NCOA1: variants seen among roughly 807,000 people sequenced by gnomAD.
NCOA1 encodes the protein nuclear receptor coactivator 1.
A neutral mutation model predicts 150.9 loss-of-function variants in NCOA1; 35 were observed. The ratio of observed to expected loss-of-function variants is 0.23; its 90% CI spans 0.18 to 0.31. The LOEUF (loss-of-function observed/expected upper bound fraction) is 0.31, where lower values mean the gene tolerates loss of function less well. Ranked by LOEUF, NCOA1 falls within the 10% of genes least tolerant of loss-of-function variation. The pLI, the probability that NCOA1 is intolerant of heterozygous loss-of-function variation, is 1.00. For missense variants in NCOA1, 1,491 were observed against 1,749.3 expected (o/e 0.85, Z 2.63); for synonymous variants, 590 against 630.0 (o/e 0.94, Z 0.95).
intron 14 of NCOA1, among the ~76,000 whole-genome samples, chr2:24,715,461 C>T (rs908379938): frequency 6.6e-6 from 1 of 151,826 alleles, no homozygotes; most frequent in African/African-American, 2.4e-5. Context: ...ATTTTTTTAA[C>T]AGAAAAATAT....
At chr2:24,673,307 G>T in intron 6 of NCOA1, 59 bp from the exon 7 acceptor site, 1 of 1,229,554 alleles carries the variant, frequency 8.1e-7, no homozygotes. Context: ...TCGTAAACTT[G>T]ACTTTATGGA....
chr2:24,630,307 CT>C (rs1669649520), intron 3 of NCOA1, among the ~76,000 whole-genome samples: 1 of 152,168 alleles, frequency 6.6e-6, no homozygotes, highest in Admixed American at 6.5e-5. Context: ...GCTATACTGT[CT>C]TGGTTATAAG....
At chr2:24,537,055 A>G (rs556628063) in intron 1 of NCOA1, among the ~76,000 whole-genome samples, 66 of 152,128 alleles carry the variant, frequency 4.3e-4, no homozygotes, top group African/African-American at 1.5e-3. Flanking sequence ...GTGCACTGAA[A>G]TCTCAGACTT....
At chr2:24,747,826 G>T (rs1431143526) in intron 19 of NCOA1, among the ~76,000 whole-genome samples, 1 of 152,060 alleles carries the variant, frequency 6.6e-6, no homozygotes, top group Non-Finnish European at 1.5e-5. Flanking sequence ...AAAAATGGAT[G>T]CTGGGCACAG....
chr2:24,679,308 A>G (rs17046459), intron 7 of NCOA1, among the ~76,000 whole-genome samples: 6,593 of 152,316 alleles, frequency 0.043, 242 homozygotes, highest in East Asian at 0.19. Context: ...AATTAGATAA[A>G]CAACATATGA....
intron 11 of NCOA1, among the ~76,000 whole-genome samples, chr2:24,701,654 C>T (rs1222467260): frequency 1.3e-5 from 2 of 152,128 alleles, no homozygotes; most frequent in African/African-American, 4.8e-5. Flanking sequence ...AATGACTTGA[C>T]TTGTTCTTTG....
chr2:24,744,232 C>G (rs1663768563), intron 19 of NCOA1, among the ~76,000 whole-genome samples: 1 of 152,142 alleles, frequency 6.6e-6, no homozygotes, highest in Non-Finnish European at 1.5e-5. Flanking sequence ...AGACCAACTT[C>G]TGATTGACAA....
At chr2:24,664,180 C>T (rs996102665) in intron 5 of NCOA1, among the ~76,000 whole-genome samples, 7 of 152,138 alleles carry the variant, frequency 4.6e-5, no homozygotes, top group African/African-American at 1.7e-4. Flanking sequence ...AAATATCTTG[C>T]TGCATTTTCT....
chr2:24,588,250 A>G (rs1667501076), intron 3 of NCOA1, among the ~76,000 whole-genome samples: 2 of 151,784 alleles, frequency 1.3e-5, no homozygotes, highest in Non-Finnish European at 2.9e-5. Flanking sequence ...ATACCCATTA[A>G]TTTTTCTGTT....
At chr2:24,701,545 C>T (rs1182503163) in intron 11 of NCOA1, among the ~76,000 whole-genome samples, 1 of 149,876 alleles carries the variant, frequency 6.7e-6, no homozygotes, top group Non-Finnish European at 1.5e-5. Context: ...GAGAGCACAG[C>T]ATATATAATA....
At chr2:24,711,770 A>G (rs1287514187) in intron 14 of NCOA1, among the ~76,000 whole-genome samples, 1 of 152,234 alleles carries the variant, frequency 6.6e-6, no homozygotes, top group Admixed American at 6.5e-5. Context: ...AGTTTAATAC[A>G]TTAAATTTAT....
chr2:24,685,631 A>G (rs745870541), intron 8 of NCOA1, among the ~76,000 whole-genome samples: 1 of 152,196 alleles, frequency 6.6e-6, no homozygotes, highest in Admixed American at 6.5e-5. Context: ...TCTGCTACTT[A>G]ATTAGCAGCG....
At chr2:24,622,599 A>G (rs772075269) in intron 3 of NCOA1, among the ~76,000 whole-genome samples, 2 of 152,202 alleles carry the variant, frequency 1.3e-5, no homozygotes, top group African/African-American at 2.4e-5. Context: ...AATATAAGAC[A>G]TTGTATATTT....
intron 11 of NCOA1, 38 bp downstream of exon 11, chr2:24,697,836 A>G: frequency 6.4e-7 from 1 of 1,566,328 alleles, no homozygotes; most frequent in Non-Finnish European, 8.8e-7. Flanking sequence ...ATTAACCCTT[A>G]TCTTTACTGA....
At chr2:24,681,808 G>A (rs1450302268) in intron 7 of NCOA1, among the ~76,000 whole-genome samples, 3 of 149,002 alleles carry the variant, frequency 2.0e-5, no homozygotes, top group Non-Finnish European at 3.0e-5. Context: ...TCCGCCTCCC[G>A]GGTTCACACC....
intron 2 of NCOA1, among the ~76,000 whole-genome samples, chr2:24,577,648 C>T (rs1473365929): frequency 6.6e-6 from 1 of 152,134 alleles, no homozygotes; most frequent in African/African-American, 2.4e-5. Flanking sequence ...AAATAACTTC[C>T]TTTTTGAGTC....
At chr2:24,641,876 G>A (rs1362058130) in intron 3 of NCOA1, among the ~76,000 whole-genome samples, 2 of 151,946 alleles carry the variant, frequency 1.3e-5, no homozygotes, top group African/African-American at 4.8e-5. Flanking sequence ...TGAGACACTG[G>A]ATCTGACAGT....
At chr2:24,662,845 C>T (rs1051950216) in intron 5 of NCOA1, among the ~76,000 whole-genome samples, 1 of 151,588 alleles carries the variant, frequency 6.6e-6, no homozygotes, top group Admixed American at 6.6e-5. Flanking sequence ...TGGAGTGGAG[C>T]AGCACAGTCA....
intron 3 of NCOA1, among the ~76,000 whole-genome samples, chr2:24,585,089 T>G (rs1251796139): frequency 6.6e-6 from 1 of 152,238 alleles, no homozygotes; most frequent in Admixed American, 6.5e-5. Context: ...TAAGATTGTG[T>G]CAGCCTTTCC....
Sources: allele counts gnomAD v4.1 joint callset (sites outside exome capture counted in the v4.1 genomes callset), GRCh38; gene constraint gnomAD v4.1.1; transcripts MANE v1.5; gene names NCBI Gene and HGNC (gene_info 2026-07-23, HGNC 2026-07-21).